TMED2: variants seen among roughly 807,000 people sequenced by gnomAD.
TMED2 encodes transmembrane p24 trafficking protein 2, also known as transmembrane emp24 domain-containing protein 2.
A neutral mutation model predicts 17.5 loss-of-function variants in TMED2; 3 were observed. That is an observed-to-expected ratio of 0.17 (90% confidence interval 0.08 to 0.44). The LOEUF is 0.44. Ranked by LOEUF, TMED2 falls within the 20% of genes least tolerant of loss-of-function variation. The pLI, the probability that TMED2 is intolerant of heterozygous loss-of-function variation, is 0.99. For missense variants in TMED2, 149 were observed against 254.8 expected, an observed-to-expected ratio of 0.58 and a Z score of 2.83; for synonymous variants, 95 against 91.0, an observed-to-expected ratio of 1.04 and a Z score of -0.25.
rs1953352006 is a variant in TMED2 at position 123,586,915 on chromosome 12, A to G, written c.349A>G (p.Lys117Glu). Residue 117 changes from lysine (K) to glutamate (E), a missense_variant, in exon 2 of 4, where the codon AAA (lysine) becomes GAA (glutamate). By Grantham distance (56) the Lys-to-Glu change is moderately conservative (BLOSUM62 1). Coordinates refer to ENST00000262225, the MANE Select transcript of TMED2 (RefSeq NM_006815.4). ...CACCATTGATATTGGGGAGGCTCCA[A>G]AAGGACAAGATATGGAAACAGAAGG... ...MFTIDIGEAP[K>E]GQDMETEAHQ... The G allele has an allele frequency of 1.2e-6, 2 of 1,607,892 alleles. No homozygotes were observed. The highest frequency in any genetic ancestry group is 1.7e-5 in the Admixed American group (1 of 58,870).
In TMED2 at chr12:123,591,176, G is replaced by T. The variant is rs141288764; in HGVS notation, c.481+727G>T. On this transcript the variant is annotated intron_variant, in intron 3 of 3. Coordinates refer to ENST00000262225, the MANE Select transcript of TMED2 (RefSeq NM_006815.4). ...TGAGATTTAACCTTTTTACTAAAAT[G>T]GAAAGCTTAATATAGTTAGACTAGA... Among the ~76,000 whole-genome samples the T allele has an allele frequency of 1.7e-3, 256 of 152,204 alleles. 1 individual carries two copies. The highest frequency in any genetic ancestry group is 5.7e-3 in the African/African-American group (237 of 41,518).
At chr12:123,585,654 GA>G (rs1248402033) in intron 1 of TMED2, 1 of 152,246 alleles carries the variant, frequency 6.6e-6, no homozygotes, top group African/African-American at 2.4e-5. Context: ...AAAATAAGGG[GA>G]TAACGGAAGG....
Position 123,589,822 on chromosome 12 carries a change from A to AC in TMED2, c.374-516dup, listed in dbSNP as rs1478061308. Among the ~76,000 whole-genome samples, 5 of 151,758 alleles carry AC rather than the reference A, an allele frequency of 3.3e-5. No individual in the cohort carries two copies. In the East Asian group the frequency reaches 9.6e-4, roughly 29 times the overall value. ...GCCCCAGCCTAGGCAACATAGCGAG[A>AC]CCCCGTCTCTAAAAAATAAAAATAA... On this transcript the variant is annotated intron_variant, in intron 2 of 3. Transcript: ENST00000262225.
chr12:123,596,187 TG>T (rs1242265703), intron 3 of TMED2, among the ~76,000 whole-genome samples: 3 of 152,244 alleles, frequency 2.0e-5, no homozygotes, highest in Non-Finnish European at 4.4e-5. Flanking sequence ...GCAACCATTC[TG>T]TTTTTTACTT....
intron 3 of TMED2, 42 bp downstream of exon 3, chr12:123,590,491 A>G: frequency 6.7e-7 from 1 of 1,491,014 alleles, no homozygotes; most frequent in Non-Finnish European, 9.1e-7. Context: ...CTGATGGTGA[A>G]GGTTGTTTTA....
intron 2 of TMED2, among the ~76,000 whole-genome samples, chr12:123,590,020 C>T (rs1341204145): frequency 6.6e-6 from 1 of 150,844 alleles, no homozygotes; most frequent in Non-Finnish European, 1.5e-5. Context: ...CAGTGGCTCA[C>T]GCATGTAATT....
rs1953435014 is a variant in TMED2 at position 123,596,918 on chromosome 12, AT to A, written c.*191del. On this transcript the variant is annotated 3_prime_UTR_variant, in exon 4 of 4. Transcript: ENST00000262225. Reference sequence around the variant, plus strand: ...AATTATAGTGAAAATTTGACAGTTGATTGGCATAATTTCTTGTTTGAATGCT... The same window carrying A: ...AATTATAGTGAAAATTTGACAGTTGATGGCATAATTTCTTGTTTGAATGCT... 1.8e-6 allele frequency: 1 copy of A among 568,986 alleles called. No homozygotes were observed. Among genetic ancestry groups the A allele is most frequent in the Non-Finnish European group, 2.6e-6 (1 of 380,880 alleles). 35.2% of individuals were successfully genotyped at this position (568,986 alleles called of 1,614,324 possible).
intron 3 of TMED2, among the ~76,000 whole-genome samples, chr12:123,592,567 A>G (rs1953399581): frequency 6.6e-6 from 1 of 152,196 alleles, no homozygotes; most frequent in African/African-American, 2.4e-5. Flanking sequence ...CAATTTCTAG[A>G]ATTGAGTTTA....
Position 123,584,793 on chromosome 12 carries a change from G to A in TMED2, c.157G>A (p.Gly53Ser), listed in dbSNP as rs746947093. The change falls in exon 1 of 4, where the codon GGC becomes AGC. Residue 53 changes from glycine to serine, a missense_variant. Transcript: ENST00000262225. The stretch of plus-strand genomic sequence containing the variant: ...CCTCATCTTCGAGGTGGCGGAGGGC[G>A]GCTTCCTGGACATCGACGTGGAGGT... ...MGLIFEVAEGGFLDIDVEITG... is the reference protein window; with the variant it reads ...MGLIFEVAEGSFLDIDVEITG... The A allele has an allele frequency of 6.2e-7, 1 of 1,611,750 alleles. No individual in the cohort carries two copies. The highest frequency in any genetic ancestry group is 8.5e-7 in the Non-Finnish European group (1 of 1,179,864).
intron 2 of TMED2, among the ~76,000 whole-genome samples, chr12:123,588,515 T>G (rs971889734): frequency 6.6e-6 from 1 of 152,214 alleles, no homozygotes; most frequent in Non-Finnish European, 1.5e-5. Flanking sequence ...TTAAATAGTT[T>G]GAAAATGTTG....
chr12:123,594,135 G>GC (rs1953412888), intron 3 of TMED2, among the ~76,000 whole-genome samples: 1 of 105,556 alleles, frequency 9.5e-6, no homozygotes, highest in Non-Finnish European at 2.0e-5. Flanking sequence ...ACACTACATA[G>GC]AATTTTTTTT....
At chr12:123,590,226 T>A (rs1953381096) in intron 2 of TMED2, 116 bp from the exon 3 acceptor site, 1 of 658,272 alleles carries the variant, frequency 1.5e-6, no homozygotes, top group Non-Finnish European at 2.4e-6. Flanking sequence ...GAGGTTGCAG[T>A]GAGCTGAGAT....
intron 1 of TMED2, 66 bp downstream of exon 1, chr12:123,584,882 G>T: frequency 6.3e-7 from 1 of 1,578,816 alleles, no homozygotes; most frequent in South Asian, 1.1e-5. Context: ...TGGCACCTGG[G>T]ACCGGCGCGG....
intron 1 of TMED2, 197 bp from the exon 2 acceptor site, chr12:123,586,550 A>G (rs958169162): frequency 2.8e-5 from 10 of 354,810 alleles, no homozygotes; most frequent in East Asian, 4.9e-5. Flanking sequence ...GAGTTTTACC[A>G]TGTTGGCCAG....
intron 1 of TMED2, among the ~76,000 whole-genome samples, chr12:123,585,304 C>T (rs908490657): frequency 2.0e-5 from 3 of 152,222 alleles, no homozygotes; most frequent in African/African-American, 7.2e-5. Flanking sequence ...GAGTGCTAGG[C>T]ATACTTTCGC....
intron 1 of TMED2, 61 bp downstream of exon 1, chr12:123,584,877 C>T (rs918084031): frequency 1.3e-5 from 20 of 1,583,804 alleles, no homozygotes; most frequent in Middle Eastern, 2.0e-4. Context: ...ATTGGTGGCA[C>T]CTGGGACCGG....
At chr12:123,593,789 C>T (rs1456719806) in intron 3 of TMED2, among the ~76,000 whole-genome samples, 5 of 151,704 alleles carry the variant, frequency 3.3e-5, no homozygotes, top group Admixed American at 1.3e-4. Context: ...TGAGCCACCA[C>T]GCCAAGCCCT....
At position 123,596,797 on chromosome 12, in the gene TMED2, C is replaced by A; in HGVS notation, c.*68C>A. The A allele has an allele frequency of 6.9e-7, 1 of 1,443,878 alleles. No homozygotes were observed. Among genetic ancestry groups the A allele is most frequent in the Non-Finnish European group, 9.2e-7 (1 of 1,090,692 alleles). 89.4% of individuals were successfully genotyped at this position (1,443,878 alleles called of 1,614,324 possible). On this transcript the variant is annotated 3_prime_UTR_variant, in exon 4 of 4. Transcript: ENST00000262225. Reference sequence around the variant, plus strand: ...CCAAACACCTTGGTCATAATAATGTCATTAGTTTCTCCATTTTTATTTTCT... The same window carrying A: ...CCAAACACCTTGGTCATAATAATGTAATTAGTTTCTCCATTTTTATTTTCT...
rs786446 is a variant in TMED2 at position 123,584,666 on chromosome 12, T to C, written c.30T>C (p.Leu10=). 1 allele frequency: 1,609,707 copies of C among 1,612,874 alleles called. 803,333 individuals are homozygous for C. The highest frequency in any genetic ancestry group is 1 in the East Asian group (44,848 of 44,848). MVTLAELLV[L]LAALLATVSG... ...TGACGCTTGCTGAACTGCTGGTGCT[T>C]CTGGCCGCTCTCCTGGCCACGGTCT... Residue 10 remains leucine, a synonymous_variant, in exon 1 of 4, where the codon CTT becomes CTC. Coordinates refer to ENST00000262225, the MANE Select transcript of TMED2 (RefSeq NM_006815.4).
Sources: allele counts gnomAD v4.1 joint callset (sites outside exome capture counted in the v4.1 genomes callset), GRCh38; gene constraint gnomAD v4.1.1; transcripts MANE v1.5; gene names NCBI Gene and HGNC (gene_info 2026-07-23, HGNC 2026-07-21).